The following ZNF469 variants were observed in gnomAD, a reference collection of about 807,000 sequenced individuals.
The protein encoded by ZNF469 is zinc finger protein 469.
In ZNF469, 1 loss-of-function variant was observed where a neutral mutation model predicts 1.0. The ratio of observed to expected loss-of-function variants is 1.00; its 90% CI spans 0.35 to 4.73. ZNF469 has a LOEUF of 4.73. ZNF469 is among the 30% of genes most tolerant of loss of function. ZNF469 has a pLI of 0.16. For synonymous variants in ZNF469, 2,703 were observed against 2,363.4 expected, an observed-to-expected ratio of 1.14 and a Z score of -4.17; for missense variants, 6,100 against 5,356.3, an observed-to-expected ratio of 1.14 and a Z score of -4.33.
rs1409880143 is a variant in ZNF469 at position 88,438,392 on chromosome 16, A to T, written c.10922A>T (p.Asp3641Val). ...TGTGCCCCTGACCATTTCCAGGAAG[A>T]CCACCTACTTCAGAAAGAGAAGGAG... ...GRCAPDHFQE[D>V]HLLQKEKEVS... Residue 3641 changes from aspartate to valine, a missense_variant, in exon 3 of 3, where the codon GAC becomes GTC. Transcript: ENST00000565624. 6 of 1,550,000 alleles carry T rather than the reference A, an allele frequency of 3.9e-6. No homozygotes were observed. The highest frequency in any genetic ancestry group is 5.2e-6 in the Non-Finnish European group (6 of 1,146,958).
rs775578805 is a variant in ZNF469 at position 88,428,888 on chromosome 16, G to A, written c.1418G>A (p.Arg473Gln). 2.6e-5 allele frequency: 41 copies of A among 1,547,612 alleles called. No homozygotes were observed. The highest frequency in any genetic ancestry group is 5.9e-5 in the Admixed American group (3 of 50,914). ...FFNGQPSPGQ[R>Q]LCLPQSAPLP... Reference sequence around the variant, plus strand: ...AACGGCCAGCCCAGCCCAGGCCAGCGGCTCTGCCTCCCCCAGAGTGCCCCC... The same window carrying A: ...AACGGCCAGCCCAGCCCAGGCCAGCAGCTCTGCCTCCCCCAGAGTGCCCCC... The change falls in exon 3 of 3, where the codon CGG becomes CAG. Residue 473 changes from arginine (R) to glutamine (Q), a missense_variant. Physicochemically the swap from Arg to Gln is conservative, Grantham distance 43 (BLOSUM62 1). Transcript: ENST00000565624.
chr16:88,231,048 C>G, the ZNF469 span, among the ~76,000 whole-genome samples: 1 of 152,132 alleles, frequency 6.6e-6, no homozygotes, highest in Non-Finnish European at 1.5e-5. This position sits in a 1 kb window ranked among gnomAD's most constrained non-coding sequence, Gnocchi z 4.5. Flanking sequence ...TCAGACCAGC[C>G]GCACGTGCCC....
the ZNF469 span, among the ~76,000 whole-genome samples, chr16:88,218,399 T>C: frequency 7.3e-5 from 11 of 150,814 alleles, no homozygotes; most frequent in Non-Finnish European, 3.0e-5. Context: ...GGTTGCCTGT[T>C]CACTCTGATG....
rs1290263672 is a variant in ZNF469 at position 88,431,041 on chromosome 16, T to G, written c.3571T>G (p.Cys1191Gly). The G allele has an allele frequency of 6.5e-7, 1 of 1,546,662 alleles. No homozygotes were observed. The highest frequency in any genetic ancestry group is 2.5e-5 in the East Asian group (1 of 40,808). Reference sequence around the variant, plus strand: ...GGCCGCCAGGGAGGGAGGCCCCAAGTGTGCTGATCGCCCCTCAGTGGCCCC... The same window carrying G: ...GGCCGCCAGGGAGGGAGGCCCCAAGGGTGCTGATCGCCCCTCAGTGGCCCC... Reference protein sequence around the residue: ...GAAAREGGPKCADRPSVAPKD... With the variant: ...GAAAREGGPKGADRPSVAPKD... Residue 1191 changes from cysteine to glycine, a missense_variant, in exon 3 of 3, where the codon TGT (cysteine) becomes GGT (glycine). Physicochemically the swap from Cys to Gly is radical, Grantham distance 159 (BLOSUM62 -3). Transcript: ENST00000565624.
the ZNF469 span, among the ~76,000 whole-genome samples, chr16:88,340,693 G>A: frequency 3.1e-4 from 47 of 152,130 alleles, no homozygotes; most frequent in Non-Finnish European, 6.0e-4. Flanking sequence ...AGGCAGGTGC[G>A]TGGGGAGGAG....
chr16:88,388,295 A>G (rs186092351), intron 1 of ZNF469, among the ~76,000 whole-genome samples: 4 of 152,344 alleles, frequency 2.6e-5, no homozygotes, highest in African/African-American at 9.6e-5. Flanking sequence ...TCCCCTGGCT[A>G]ACTGCTAACA....
At chr16:88,101,495 G>A in the ZNF469 span, among the ~76,000 whole-genome samples, 1 of 151,738 alleles carries the variant, frequency 6.6e-6, no homozygotes, top group Non-Finnish European at 1.5e-5. Flanking sequence ...GATATGCTGT[G>A]GACAGACTCA....
At chr16:88,123,346 T>A in the ZNF469 span, among the ~76,000 whole-genome samples, 1 of 152,200 alleles carries the variant, frequency 6.6e-6, no homozygotes, top group African/African-American at 2.4e-5. Context: ...GTCATTCCTT[T>A]TATTGTTGAG....
rs762301873 is a variant in ZNF469, at chr16:88,436,276, G to A, written c.8806G>A (p.Glu2936Lys). The change falls in exon 3 of 3, where the codon GAG becomes AAG. Residue 2936 changes from glutamate to lysine, a missense_variant. Physicochemically the swap from Glu to Lys is moderately conservative, Grantham distance 56. Transcript: ENST00000565624. ...WEDEDPAGLP[E>K]SFLLDGFLNS... is the part of the protein sequence containing the mutation. ...GGACGAGGATCCCGCAGGTCTGCCCGAGTCCTTCCTCCTGGATGGGTTCCT... is the reference window on the plus strand; with the variant it reads ...GGACGAGGATCCCGCAGGTCTGCCCAAGTCCTTCCTCCTGGATGGGTTCCT... 23 of 1,549,864 alleles carry A rather than the reference G, an allele frequency of 1.5e-5. No individual in the cohort carries two copies. The East Asian group carries it at 2.2e-4, about 15-fold the overall frequency.
the ZNF469 span, among the ~76,000 whole-genome samples, chr16:88,354,231 C>G: frequency 5.9e-5 from 9 of 152,172 alleles, no homozygotes; most frequent in Non-Finnish European, 1.3e-4. Flanking sequence ...GCATTTGAAT[C>G]CGGGTCTGTA....
the ZNF469 span, among the ~76,000 whole-genome samples, chr16:88,122,032 A>G: frequency 1.3e-5 from 2 of 150,872 alleles, 1 homozygote; most frequent in Admixed American, 1.3e-4. Context: ...ACACTCTGTC[A>G]CTCACTACGG....
At chr16:88,401,411 C>A (rs991627668) in intron 1 of ZNF469, among the ~76,000 whole-genome samples, 32 of 68,660 alleles carry the variant, frequency 4.7e-4, no homozygotes, top group African/African-American at 2.3e-3. Flanking sequence ...GACCCAGATT[C>A]TAGTCCTGAT....
At chr16:88,233,898 C>T in the ZNF469 span, among the ~76,000 whole-genome samples, 4 of 152,252 alleles carry the variant, frequency 2.6e-5, no homozygotes, top group Admixed American at 6.5e-5. Context: ...CCCGCAGCCC[C>T]GTCTGAAGCC....
chr16:88,206,796 A>AGGGAGGGGAGGCCGCGGGGACGGAG, the ZNF469 span, among the ~76,000 whole-genome samples: 6 of 129,676 alleles, frequency 4.6e-5, 2 homozygotes, highest in South Asian at 5.3e-4. Flanking sequence ...TGGGAACGGA[A>AGGGAGGGGAGGCCGCGGGGACGGAG]GGGAGGGGAG....
the ZNF469 span, among the ~76,000 whole-genome samples, chr16:88,372,757 C>G: frequency 3.1e-3 from 475 of 151,664 alleles, 5 homozygotes; most frequent in African/African-American, 0.011. Context: ...TCATCACCAT[C>G]TTTACCATCT....
In ZNF469 at chr16:88,430,633, G is replaced by A. The variant is rs1000338550; in HGVS notation, c.3163G>A (p.Val1055Met). 6 of 1,499,128 alleles carry A rather than the reference G, an allele frequency of 4.0e-6. No homozygotes were observed. Among genetic ancestry groups the A allele is most frequent in the Non-Finnish European group, 5.3e-6 (6 of 1,129,784 alleles). The allele number at this position is 1,499,128 out of a possible 1,614,324, so 92.9% of individuals were successfully genotyped here. The change falls in exon 3 of 3, where the codon GTG (valine) becomes ATG (methionine). Residue 1055 changes from valine (V) to methionine (M), a missense_variant. Physicochemically the swap from Val to Met is conservative, Grantham distance 21 (BLOSUM62 1). Transcript: ENST00000565624. ...AWGKELILKI[V>M]QQKNRRHRRL... ...GGGCAAGGAGCTCATTCTGAAGATC[G>A]TGCAGCAGAAGAACAGGCGCCACCG... is the stretch of plus-strand genomic sequence containing the variant.
At chr16:88,212,269 G>A in the ZNF469 span, among the ~76,000 whole-genome samples, 3 of 152,136 alleles carry the variant, frequency 2.0e-5, no homozygotes, top group Admixed American at 1.3e-4. Context: ...CCTTGCATAG[G>A]TCTTCTATCT....
chr16:88,105,206 C>T, the ZNF469 span, among the ~76,000 whole-genome samples: 1 of 152,164 alleles, frequency 6.6e-6, no homozygotes, highest in South Asian at 2.1e-4. Context: ...TGGGGCAACA[C>T]AGTGAGACCC....
the ZNF469 span, among the ~76,000 whole-genome samples, chr16:88,126,376 G>C: frequency 6.6e-6 from 1 of 151,628 alleles, no homozygotes; most frequent in Admixed American, 6.6e-5. Flanking sequence ...TCCTGGCCTT[G>C]GGGGAAACGT....
Sources: gnomAD v4.1 joint callset for allele counts (sites outside exome capture counted in the v4.1 genomes callset) on GRCh38, gnomAD v4.1.1 for gene constraint, Gnocchi (gnomAD v3.1) non-coding constraint, MANE v1.5 for transcripts, NCBI Gene and HGNC (gene_info 2026-07-23, HGNC 2026-07-21) for gene names.